DGLUCY: variants seen among roughly 807,000 people sequenced by gnomAD.
DGLUCY encodes the protein D-glutamate cyclase, also known as D-glutamate cyclase, mitochondrial.
In DGLUCY, 58 loss-of-function variants were observed where a neutral mutation model predicts 58.5. That is an observed-to-expected ratio of 0.99 (90% CI 0.80 to 1.23). The LOEUF (loss-of-function observed/expected upper bound fraction) is 1.23. DGLUCY is among the 50% of genes most tolerant of loss of function. DGLUCY has a pLI of 0.00. For synonymous variants in DGLUCY, 325 were observed against 314.1 expected (o/e 1.03, Z -0.37); for missense variants, 779 against 784.7 (o/e 0.99, Z 0.09).
intron 1 of DGLUCY, among the ~76,000 whole-genome samples, chr14:91,066,388 G>GA (rs58589619): frequency 1.9e-3 from 214 of 113,840 alleles, no homozygotes; most frequent in South Asian, 0.011. Flanking sequence ...AAAAAAAAAA[G>GA]AAAAAAAAAA....
intron 1 of DGLUCY, among the ~76,000 whole-genome samples, chr14:91,153,389 G>A (rs2047427838): frequency 6.6e-6 from 1 of 152,118 alleles, no homozygotes; most frequent in Admixed American, 6.6e-5. Flanking sequence ...CACCATGTTG[G>A]CCAGGCTGAT....
intron 1 of DGLUCY, among the ~76,000 whole-genome samples, chr14:91,068,932 A>G (rs1250358113): frequency 3.9e-5 from 6 of 152,230 alleles, no homozygotes; most frequent in Non-Finnish European, 8.8e-5. Flanking sequence ...ATGTTTCCTT[A>G]GAGGCACCAA....
intron 1 of DGLUCY, among the ~76,000 whole-genome samples, chr14:91,118,672 G>A (rs538658014): frequency 6.6e-6 from 1 of 152,244 alleles, no homozygotes; most frequent in African/African-American, 2.4e-5. Context: ...CCAAGTGGTG[G>A]GGGATAATGA....
rs2047920177 is a variant in DGLUCY, at chr14:91,160,471, G to C, written c.103+74G>C. On this transcript the variant is annotated intron_variant, in intron 3 of 13. Coordinates refer to ENST00000256324, the MANE Select transcript of DGLUCY (RefSeq NM_001102368.3). ...GTTCCTGGGAATTACCAGCTGTGTAGGGCCCACAAACTCCTAAGACTTCTA... is the reference window on the plus strand; with the variant it reads ...GTTCCTGGGAATTACCAGCTGTGTACGGCCCACAAACTCCTAAGACTTCTA... The C allele has an allele frequency of 6.3e-6, 7 of 1,111,378 alleles. No individual in the cohort carries two copies. The East Asian group carries it at 1.5e-4, about 24-fold the overall frequency. The allele number at this position is 1,111,378 out of a possible 1,614,324, so 68.8% of individuals were successfully genotyped here.
intron 1 of DGLUCY, among the ~76,000 whole-genome samples, chr14:91,140,372 T>G (rs1222477205): frequency 6.6e-6 from 1 of 152,186 alleles, no homozygotes; most frequent in Non-Finnish European, 1.5e-5. Context: ...AGTGATTATC[T>G]AAAGAAAATA....
chr14:91,121,581 T>G (rs2045361155), intron 1 of DGLUCY, among the ~76,000 whole-genome samples: 1 of 149,952 alleles, frequency 6.7e-6, no homozygotes, highest in African/African-American at 2.4e-5. Context: ...CACTCCAGCC[T>G]GGGTGACAGA....
At chr14:91,069,195 G>A (rs906006081) in intron 1 of DGLUCY, among the ~76,000 whole-genome samples, 5 of 152,170 alleles carry the variant, frequency 3.3e-5, no homozygotes, top group Admixed American at 6.5e-5. Flanking sequence ...CAAGGAAAAT[G>A]CAGACCTCAG....
rs182084270 is a variant in DGLUCY, at chr14:91,220,745, C to A, written c.1717-3939C>A. 64 of 444,772 alleles carry A rather than the reference C, an allele frequency of 1.4e-4. 2 individuals carry two copies. The East Asian group carries it at 3.6e-3, about 25-fold the overall frequency. 27.6% of individuals were successfully genotyped at this position (444,772 alleles called of 1,614,324 possible). A position where few individuals can be genotyped will look rare whatever the true frequency, so the allele number is the denominator to read the frequency against. On this transcript the variant is annotated intron_variant, in intron 13 of 13. Transcript: ENST00000256324. Reference sequence around the variant, plus strand: ...CAGCCCCATCTTGCTCTACGGGAAGCCTCAGCACCATGTTCCCGCCTGCCT... The same window carrying A: ...CAGCCCCATCTTGCTCTACGGGAAGACTCAGCACCATGTTCCCGCCTGCCT...
chr14:91,217,043 C>T (rs1002349417), intron 13 of DGLUCY, among the ~76,000 whole-genome samples: 19 of 152,316 alleles, frequency 1.2e-4, no homozygotes, highest in South Asian at 1.0e-3. Flanking sequence ...GGCTCTAACC[C>T]GCCTCCTCTG....
At chr14:91,217,883 T>C (rs930508416) in intron 13 of DGLUCY, among the ~76,000 whole-genome samples, 1 of 152,200 alleles carries the variant, frequency 6.6e-6, no homozygotes, top group African/African-American at 2.4e-5. Context: ...GTCTTTCTCC[T>C]TCCTGCCCCT....
At chr14:91,097,676 CT>C (rs796737178) in intron 1 of DGLUCY, among the ~76,000 whole-genome samples, 1,940 of 142,954 alleles carry the variant, frequency 0.014, 24 homozygotes, top group African/African-American at 0.043. Context: ...CCTCCCCTCC[CT>C]TTTTTTTTTT....
intron 13 of DGLUCY, chr14:91,220,624 G>A: frequency 2.2e-6 from 1 of 456,322 alleles, no homozygotes; most frequent in South Asian, 1.5e-5. Context: ...GTGGCTGGGA[G>A]GCAGATGGAG....
At chr14:91,081,918 G>A (rs1240882673) in intron 1 of DGLUCY, among the ~76,000 whole-genome samples, 2 of 151,792 alleles carry the variant, frequency 1.3e-5, no homozygotes, top group South Asian at 4.2e-4. Context: ...TCCAGCCTCT[G>A]TTTCTGTTGT....
intron 9 of DGLUCY, among the ~76,000 whole-genome samples, chr14:91,194,667 A>C (rs868263040): frequency 7.3e-5 from 11 of 151,352 alleles, no homozygotes; most frequent in African/African-American, 2.7e-4. Context: ...CAGCCTCCTG[A>C]GTAGCTGGGA....
intron 1 of DGLUCY, among the ~76,000 whole-genome samples, chr14:91,095,768 C>A (rs1330956018): frequency 6.6e-6 from 1 of 152,138 alleles, no homozygotes; most frequent in African/African-American, 2.4e-5. Flanking sequence ...GTGGTACTCT[C>A]CGTTGGCCCA....
chr14:91,199,716 T>A (rs560067120), intron 10 of DGLUCY, 41 bp from the exon 11 acceptor site: 2 of 1,600,258 alleles, frequency 1.2e-6, no homozygotes, highest in Admixed American at 3.4e-5. Context: ...CAGCCACCTC[T>A]CCATAGGACC....
intron 1 of DGLUCY, among the ~76,000 whole-genome samples, chr14:91,116,133 G>C (rs2044926428): frequency 6.6e-6 from 1 of 152,094 alleles, no homozygotes; most frequent in African/African-American, 2.4e-5. Flanking sequence ...AGATTTCTCA[G>C]CCTTTCCAGG....
At chr14:91,188,545 G>A (rs1261811132) in intron 8 of DGLUCY, among the ~76,000 whole-genome samples, 1 of 152,200 alleles carries the variant, frequency 6.6e-6, no homozygotes, top group Admixed American at 6.5e-5. Context: ...ATCACTTTTG[G>A]CTGGGTGTGG....
intron 1 of DGLUCY, among the ~76,000 whole-genome samples, chr14:91,084,068 C>T (rs924195369): frequency 7.2e-5 from 11 of 152,038 alleles, no homozygotes; most frequent in African/African-American, 2.4e-4. Context: ...GCATAGTTTC[C>T]GGCACACAGT....
Sources: allele counts gnomAD v4.1 joint callset (sites outside exome capture counted in the v4.1 genomes callset), GRCh38; gene constraint gnomAD v4.1.1; transcripts MANE v1.5; gene names NCBI Gene and HGNC (gene_info 2026-07-23, HGNC 2026-07-21).